The following DENND4B variants were observed in gnomAD, a reference collection of about 807,000 sequenced individuals.
DENND4B encodes DENN domain-containing protein 4B.
In DENND4B, 67 loss-of-function variants were observed where a neutral mutation model predicts 161.0. That is an observed-to-expected ratio of 0.42 (90% CI 0.34 to 0.51). DENND4B has a LOEUF of 0.51. DENND4B is among the 20% of genes least tolerant of loss of function. DENND4B has a pLI of 0.08. For synonymous variants in DENND4B, 753 were observed against 813.8 expected, an observed-to-expected ratio of 0.93 and a Z score of 1.27; for missense variants, 1,481 against 1,968.0, an observed-to-expected ratio of 0.75 and a Z score of 4.68.
Position 153,946,515 on chromosome 1 carries a change from G to C in DENND4B, c.-238C>G, listed in dbSNP as rs1005672189. On this transcript the variant is annotated 5_prime_UTR_variant, in exon 1 of 28. Coordinates refer to ENST00000361217, the MANE Select transcript of DENND4B (RefSeq NM_014856.3). This position sits in a 1 kb window ranked among gnomAD's most constrained non-coding sequence, Gnocchi z 6.3. Reference sequence around the variant, plus strand: ...AGATCCGGGCGGTCCCCGCGTCCCCGCCGCGCTGCGCCACGCGGGGACTGT... The same window carrying C: ...AGATCCGGGCGGTCCCCGCGTCCCCCCCGCGCTGCGCCACGCGGGGACTGT... The C allele has an allele frequency of 2.6e-6, 1 of 389,882 alleles. No individual in the cohort carries two copies. Among genetic ancestry groups the C allele is most frequent in the Non-Finnish European group, 4.5e-6 (1 of 220,300 alleles). 24.2% of individuals were successfully genotyped at this position (389,882 alleles called of 1,614,324 possible). A position where few individuals can be genotyped will look rare whatever the true frequency, so the allele number is the denominator to read the frequency against.
chr1:153,937,197 C>T lies in DENND4B; in HGVS notation c.2232+291G>A, dbSNP rs2102038962. ...TCACAGGCTGCAGCCCTGCCTGGAG[C>T]CCCGTGCAGAGAGGCTGGCCCTTGA... is the stretch of plus-strand genomic sequence containing the variant. On this transcript the variant is annotated intron_variant, in intron 15 of 27. Coordinates refer to ENST00000361217, the MANE Select transcript of DENND4B (RefSeq NM_014856.3). The surrounding 1 kb of genome is among the most constrained non-coding windows in gnomAD (Gnocchi z 4.7). Among the ~76,000 whole-genome samples the T allele has an allele frequency of 6.6e-6, 1 of 152,326 alleles. No homozygotes were observed. The highest frequency in any genetic ancestry group is 6.5e-5 in the Admixed American group (1 of 15,302).
At position 153,942,380 on chromosome 1, in the gene DENND4B, G is replaced by T; in HGVS notation, c.641-24C>A. On this transcript the variant is annotated intron_variant, in intron 4 of 27. Transcript: ENST00000361217. The surrounding 1 kb of genome is among the most constrained non-coding windows in gnomAD (Gnocchi z 6.9). ...CTCTGCACCCCCAGCATAGTTGGGG[G>T]TACCCAAAAGGAGCAGGGTCCATCA... 1 of 1,604,882 alleles carries T rather than the reference G, an allele frequency of 6.2e-7. No individual in the cohort carries two copies. Among genetic ancestry groups the T allele is most frequent in the Non-Finnish European group, 8.5e-7 (1 of 1,175,258 alleles).
chr1:153,930,899 C>G lies in DENND4B; in HGVS notation c.4115-42G>C. The G allele has an allele frequency of 6.3e-7, 1 of 1,596,408 alleles. No homozygotes were observed. The highest frequency in any genetic ancestry group is 8.5e-7 in the Non-Finnish European group (1 of 1,172,236). On this transcript the variant is annotated intron_variant, in intron 25 of 27. Coordinates refer to ENST00000361217, the MANE Select transcript of DENND4B (RefSeq NM_014856.3). The surrounding 1 kb of genome is among the most constrained non-coding windows in gnomAD (Gnocchi z 4.7). ...AAGGCCACCAGAATCACTGAGCCCT[C>G]TGGGTATGGGACCCACCCTCCCCAC...
At position 153,942,727 on chromosome 1, in the gene DENND4B, C is replaced by G. The variant is rs1679747221; in HGVS notation, c.571-102G>C. Reference sequence around the variant, plus strand: ...CCTAAATGTTCTTTTGTCTTTAAAGCTCCCATTAATCCCAGTGCCCCAAGA... The same window carrying G: ...CCTAAATGTTCTTTTGTCTTTAAAGGTCCCATTAATCCCAGTGCCCCAAGA... On this transcript the variant is annotated intron_variant, in intron 3 of 27. Coordinates refer to ENST00000361217, the MANE Select transcript of DENND4B (RefSeq NM_014856.3). This position sits in a 1 kb window ranked among gnomAD's most constrained non-coding sequence, Gnocchi z 6.9. 5 of 1,475,642 alleles carry G rather than the reference C, an allele frequency of 3.4e-6. No homozygotes were observed. In the East Asian group the frequency reaches 9.8e-5, roughly 29 times the overall value. 91.4% of individuals were successfully genotyped at this position (1,475,642 alleles called of 1,614,324 possible). A position where few individuals can be genotyped will look rare whatever the true frequency, so the allele number is the denominator to read the frequency against.
At position 153,937,739 on chromosome 1, in the gene DENND4B, G is replaced by C. The variant is rs889640494; in HGVS notation, c.2090C>G (p.Ser697Cys). ...EEPALPEGSESTPQYCYDGFP... is the reference protein window; with the variant it reads ...EEPALPEGSECTPQYCYDGFP... ...AGACTCTCACCAGTACTGGGGAGTG[G>C]ATTCACTGCCCTCTGGTAAGGCAGG... The change falls in exon 14 of 28, where the codon TCC becomes TGC. Residue 697 changes from serine (S) to cysteine (C), a missense_variant. This residue lies in a region of DENND4B where 806 missense variants were observed against 1,134.4 expected (regional missense o/e 0.71). Transcript: ENST00000361217. This position sits in a 1 kb window ranked among gnomAD's most constrained non-coding sequence, Gnocchi z 4.7. The C allele has an allele frequency of 6.2e-7, 1 of 1,613,912 alleles. No individual in the cohort carries two copies. The highest frequency in any genetic ancestry group is 8.5e-7 in the Non-Finnish European group (1 of 1,179,902).
chr1:153,936,150 A>G lies in DENND4B; in HGVS notation c.2478T>C (p.Tyr826=). 1 of 1,609,938 alleles carries G rather than the reference A, an allele frequency of 6.2e-7. No individual in the cohort carries two copies. Among genetic ancestry groups the G allele is most frequent in the Non-Finnish European group, 8.5e-7 (1 of 1,178,216 alleles). The change falls in exon 17 of 28, where the codon TAT becomes TAC. Residue 826 remains tyrosine, a synonymous_variant. Coordinates refer to ENST00000361217, the MANE Select transcript of DENND4B (RefSeq NM_014856.3). The surrounding 1 kb of genome is among the most constrained non-coding windows in gnomAD (Gnocchi z 4.1). ...YRVLMQLCSH[Y]GQPVLSVRVM... Reference sequence around the variant, plus strand: ...CCCGCACAGACAGCACAGGCTGCCCATAGTGTGAGCAGAGCTGCATCAGTA... The same window carrying G: ...CCCGCACAGACAGCACAGGCTGCCCGTAGTGTGAGCAGAGCTGCATCAGTA...
Position 153,936,119 on chromosome 1 carries a change from G to A in DENND4B, c.2509C>T (p.Leu837=), listed in dbSNP as rs763410798. 1 of 1,611,986 alleles carries A rather than the reference G, an allele frequency of 6.2e-7. No individual in the cohort carries two copies. The highest frequency in any genetic ancestry group is 1.7e-5 in the Admixed American group (1 of 59,714). ...GQPVLSVRVM[L]EMRQAGIVPN... ...ACAATGCCTGCCTGACGCATCTCCA[G>A]CATGACCCGCACAGACAGCACAGGC... Residue 837 remains leucine, a synonymous_variant, in exon 17 of 28, where the codon CTG becomes TTG. Transcript: ENST00000361217. This position sits in a 1 kb window ranked among gnomAD's most constrained non-coding sequence, Gnocchi z 4.1.
intron 7 of DENND4B, 27 bp downstream of exon 7, chr1:153,941,347 C>T: frequency 6.2e-7 from 1 of 1,613,528 alleles, no homozygotes; most frequent in South Asian, 1.1e-5. Flanking sequence ...CTCCTTCCAT[C>T]AGCCCGGCCC....
At chr1:153,931,147 G>A in intron 24 of DENND4B, 83 bp from the exon 25 acceptor site, 1 of 1,077,332 alleles carries the variant, frequency 9.3e-7, no homozygotes. Context: ...ATGCCAAAGA[G>A]ACAGAGGGCC....
intron 6 of DENND4B, 96 bp downstream of exon 6, chr1:153,941,773 C>CTGGGGT: frequency 7.0e-7 from 1 of 1,426,298 alleles, no homozygotes; most frequent in Non-Finnish European, 9.6e-7. Context: ...ACCCTGTGCC[C>CTGGGGT]AGCCCTCCCC....
In DENND4B at chr1:153,940,217, G is replaced by A. The variant is rs750333654; in HGVS notation, c.1542C>T (p.Pro514=). ...CCAGCAGAACCTTGTAGGGTCTGCG[G>A]GGCAGGGTCCGAGGGGAGAGGAGCT... ...EKKLLSPRTL[P]RRPYKVLLAT... Residue 514 remains proline, a synonymous_variant, in exon 11 of 28, where the codon CCC becomes CCT. Transcript: ENST00000361217. This position sits in a 1 kb window ranked among gnomAD's most constrained non-coding sequence, Gnocchi z 5.6. 2.5e-6 allele frequency: 4 copies of A among 1,603,930 alleles called. No individual in the cohort carries two copies. The South Asian group carries it at 3.3e-5, about 13-fold the overall frequency.
Position 153,930,939 on chromosome 1 carries a change from A to C in DENND4B, c.4114+8T>G. On this transcript the variant is annotated splice_region_variant and intron_variant, in intron 25 of 27. Transcript: ENST00000361217. This position sits in a 1 kb window ranked among gnomAD's most constrained non-coding sequence, Gnocchi z 4.7. Reference sequence around the variant, plus strand: ...ACCCTCCCCACCCAGGCCAAATACCAGACTCACTGTGGACCCTCCAGAGCA... The same window carrying C: ...ACCCTCCCCACCCAGGCCAAATACCCGACTCACTGTGGACCCTCCAGAGCA... The C allele has an allele frequency of 6.3e-7, 1 of 1,597,714 alleles. No individual in the cohort carries two copies. Among genetic ancestry groups the C allele is most frequent in the South Asian group, 1.1e-5 (1 of 89,194 alleles).
At position 153,932,857 on chromosome 1, in the gene DENND4B, G is replaced by C; in HGVS notation, c.3623+4C>G. The stretch of plus-strand genomic sequence containing the variant: ...ACCCACAGCACTTGCCCTGCCTTGG[G>C]CACCTGGGCCGGGAATCAAGGGTCT... On this transcript the variant is annotated splice_donor_region_variant and intron_variant, in intron 22 of 27. Coordinates refer to ENST00000361217, the MANE Select transcript of DENND4B (RefSeq NM_014856.3). This position sits in a 1 kb window ranked among gnomAD's most constrained non-coding sequence, Gnocchi z 5.8. The C allele has an allele frequency of 6.2e-7, 1 of 1,613,884 alleles. No homozygotes were observed. The highest frequency in any genetic ancestry group is 8.5e-7 in the Non-Finnish European group (1 of 1,179,836).
intron 6 of DENND4B, 136 bp downstream of exon 6, chr1:153,941,731 CTG>C (rs1679681415): frequency 7.0e-7 from 1 of 1,433,840 alleles, no homozygotes. Context: ...AGTGGATAAA[CTG>C]TATAACCACA....
chr1:153,946,726 G>C (rs895727638), upstream of DENND4B: 2 of 374,534 alleles, frequency 5.3e-6, no homozygotes, highest in Non-Finnish European at 9.5e-6. This position sits in a 1 kb window ranked among gnomAD's most constrained non-coding sequence, Gnocchi z 6.3. Context: ...TCTGCCCAAA[G>C]CCCAGCCGCC....
At chr1:153,939,533 GC>G in intron 12 of DENND4B, 55 bp downstream of exon 12, 1 of 1,540,656 alleles carries the variant, frequency 6.5e-7, no homozygotes, top group Middle Eastern at 2.1e-4. Flanking sequence ...ACAGAGCCCA[GC>G]CCCTCGCCAC....
chr1:153,936,207 A>C lies in DENND4B; in HGVS notation c.2440-19T>G. 1 of 1,595,872 alleles carries C rather than the reference A, an allele frequency of 6.3e-7. No individual in the cohort carries two copies. On this transcript the variant is annotated intron_variant, in intron 16 of 27. Transcript: ENST00000361217. The surrounding 1 kb of genome is among the most constrained non-coding windows in gnomAD (Gnocchi z 4.1). ...AACACACCTGGGCCAGGAGAGGCAC[A>C]GGACAATGGGAGACTCACTCTCAAC...
At position 153,940,223 on chromosome 1, in the gene DENND4B, G is replaced by C. The variant is rs984849162; in HGVS notation, c.1536C>G (p.Thr512=). 1 of 1,602,652 alleles carries C rather than the reference G, an allele frequency of 6.2e-7. No individual in the cohort carries two copies. The highest frequency in any genetic ancestry group is 1.3e-5 in the African/African-American group (1 of 74,288). ...GAACCTTGTAGGGTCTGCGGGGCAG[G>C]GTCCGAGGGGAGAGGAGCTTCTTTT... ...TEEKKLLSPR[T]LPRRPYKVLL... is the part of the protein sequence containing the mutation. Residue 512 remains threonine (T), a synonymous_variant, in exon 11 of 28, where the codon ACC becomes ACG. Coordinates refer to ENST00000361217, the MANE Select transcript of DENND4B (RefSeq NM_014856.3). This position sits in a 1 kb window ranked among gnomAD's most constrained non-coding sequence, Gnocchi z 5.6.
At chr1:153,941,183 C>T in intron 8 of DENND4B, 48 bp downstream of exon 8, 2 of 1,608,524 alleles carry the variant, frequency 1.2e-6, no homozygotes, top group Non-Finnish European at 1.7e-6. Context: ...CAGCACCTAC[C>T]ATGTCCTTGG....
Sources: allele counts gnomAD v4.1 joint callset (sites outside exome capture counted in the v4.1 genomes callset), GRCh38; gene constraint gnomAD v4.1.1; regional missense constraint gnomAD v4.1.1; non-coding constraint Gnocchi (gnomAD v3.1); transcripts MANE v1.5; gene names NCBI Gene and HGNC (gene_info 2026-07-23, HGNC 2026-07-21).